RPL22L1: variants seen among roughly 807,000 people sequenced by gnomAD.
RPL22L1 encodes ribosomal protein L22 like 1.
Under a neutral mutation model 17.3 loss-of-function variants are expected in RPL22L1, and 19 were observed. The ratio of observed to expected loss-of-function variants is 1.10; its 90% CI spans 0.77 to 1.61. The LOEUF is 1.61. RPL22L1 is among the 40% of genes most tolerant of loss of function. The probability of loss-of-function intolerance (pLI) is 0.00; values close to 1 mark genes in which losing one functional copy is unlikely to be tolerated. For missense variants in RPL22L1, 139 were observed against 144.4 expected (o/e 0.96, Z 0.19); for synonymous variants, 48 against 48.5 (o/e 0.99, Z 0.05).
At chr3:170,868,171 A>C in intron 2 of RPL22L1, 37 bp from the exon 3 acceptor site, 2 of 1,593,888 alleles carry the variant, frequency 1.3e-6, no homozygotes, top group Non-Finnish European at 1.7e-6. Context: ...ACTAGGGAAG[A>C]GAACCCTAGA....
chr3:170,868,124 A>G lies in RPL22L1; in HGVS notation c.113T>C (p.Leu38Pro), dbSNP rs762492620. Residue 38 changes from leucine to proline, a missense_variant, in exon 3 of 4, where the codon CTA becomes CCA. Physicochemically the swap from Leu to Pro is moderately conservative, Grantham distance 98. Transcript: ENST00000295830. ...IFDSGNFEQF[L>P]REKVKVNGKT... Reference sequence around the variant, plus strand: ...GCCATTGACTTTAACCTTCTCCCGTAGAAATTGCTCCTATTTTAAAACAGA... The same window carrying G: ...GCCATTGACTTTAACCTTCTCCCGTGGAAATTGCTCCTATTTTAAAACAGA... 1 of 1,605,962 alleles carries G rather than the reference A, an allele frequency of 6.2e-7. No homozygotes were observed. The highest frequency in any genetic ancestry group is 8.5e-7 in the Non-Finnish European group (1 of 1,175,350).
intron 3 of RPL22L1, 101 bp downstream of exon 3, chr3:170,867,912 T>C (rs1711830697): frequency 1.0e-6 from 1 of 991,378 alleles, no homozygotes; most frequent in South Asian, 1.8e-5. Flanking sequence ...CTAAAGTTCA[T>C]ATTTATTCTT....
intron 3 of RPL22L1, among the ~76,000 whole-genome samples, chr3:170,867,303 C>G (rs527569283): frequency 1.1e-3 from 162 of 152,296 alleles, no homozygotes; most frequent in Non-Finnish European, 1.8e-3. Context: ...ACACTATACC[C>G]CAGACACACT....
rs570522516 is a variant in RPL22L1, at chr3:170,865,196, A to C, written c.*1184T>G. On this transcript the variant is annotated 3_prime_UTR_variant, in exon 4 of 4. Coordinates refer to ENST00000295830, the MANE Select transcript of RPL22L1 (RefSeq NM_001099645.2). ...CTTAAATTTTTAGGAAAACGAATTAAAACATTGAATTAAACAATAATTTCA... is the reference window on the plus strand; with the variant it reads ...CTTAAATTTTTAGGAAAACGAATTACAACATTGAATTAAACAATAATTTCA... 2 of 152,354 alleles carry C rather than the reference A, an allele frequency of 1.3e-5. No homozygotes were observed. The highest frequency in any genetic ancestry group is 2.4e-5 in the African/African-American group (1 of 41,576). 9.4% of individuals were successfully genotyped at this position (152,354 alleles called of 1,614,324 possible).
In RPL22L1 at chr3:170,866,120, C is replaced by T. The variant is rs999791995; in HGVS notation, c.*260G>A. The T allele has an allele frequency of 4.2e-5, 11 of 261,312 alleles. No individual in the cohort carries two copies. Among genetic ancestry groups the T allele is most frequent in the African/African-American group, 1.6e-4 (7 of 44,854 alleles). 16.2% of individuals were successfully genotyped at this position (261,312 alleles called of 1,614,324 possible). A position where few individuals can be genotyped will look rare whatever the true frequency, so the allele number is the denominator to read the frequency against. On this transcript the variant is annotated 3_prime_UTR_variant, in exon 4 of 4. Transcript: ENST00000295830. ...TCTAAAAAAAAGATTTCCTATATAA[C>T]GCTACTTTTACCTGAGTACATAAAA...
rs1381883110 is a variant in RPL22L1 at position 170,865,499 on chromosome 3, G to C, written c.*881C>G. ...TTCAATAGACAACCAACACGCCGGT[G>C]TTGGGGTAGGGGCTTTTGAGAAAGA... On this transcript the variant is annotated 3_prime_UTR_variant, in exon 4 of 4. Transcript: ENST00000295830. The C allele has an allele frequency of 6.6e-6, 1 of 152,198 alleles. No individual in the cohort carries two copies. The highest frequency in any genetic ancestry group is 2.4e-5 in the African/African-American group (1 of 41,446). 9.4% of individuals were successfully genotyped at this position (152,198 alleles called of 1,614,324 possible). A position where few individuals can be genotyped will look rare whatever the true frequency, so the allele number is the denominator to read the frequency against.
In RPL22L1 at chr3:170,868,291, T is replaced by C; in HGVS notation, c.102+7A>G. The C allele has an allele frequency of 6.4e-7, 1 of 1,574,232 alleles. No individual in the cohort carries two copies. The highest frequency in any genetic ancestry group is 8.7e-7 in the Non-Finnish European group (1 of 1,145,690). ...TACAAAAATAAGCCGAGTAGAATGA[T>C]ACTTACAAAATTTCCAGAATCAAAA... On this transcript the variant is annotated splice_region_variant and intron_variant, in intron 2 of 3. Transcript: ENST00000295830.
intron 1 of RPL22L1, 82 bp from the exon 2 acceptor site, chr3:170,868,472 G>A (rs1711856819): frequency 2.4e-6 from 2 of 838,828 alleles, no homozygotes; most frequent in Non-Finnish European, 3.9e-6. Context: ...TTGTACCAAT[G>A]CAATCTGTAC....
intron 3 of RPL22L1, 141 bp downstream of exon 3, chr3:170,867,872 C>T (rs1187844058): frequency 4.3e-6 from 3 of 704,896 alleles, no homozygotes; most frequent in Admixed American, 3.1e-5. Flanking sequence ...CACTCATTTA[C>T]TGAATTTCCC....
At position 170,866,363 on chromosome 3, in the gene RPL22L1, G is replaced by C. The variant is rs1317780522; in HGVS notation, c.*17C>G. ...TTATTTTATTAATAAGCAAAGCCCTGTAAGGGGAGCCTTTGCCTAGTCCTC... is the reference window on the plus strand; with the variant it reads ...TTATTTTATTAATAAGCAAAGCCCTCTAAGGGGAGCCTTTGCCTAGTCCTC... On this transcript the variant is annotated 3_prime_UTR_variant, in exon 4 of 4. Coordinates refer to ENST00000295830, the MANE Select transcript of RPL22L1 (RefSeq NM_001099645.2). 3.1e-6 allele frequency: 5 copies of C among 1,588,608 alleles called. No individual in the cohort carries two copies. The highest frequency in any genetic ancestry group is 4.3e-6 in the Non-Finnish European group (5 of 1,165,960).
In RPL22L1 at chr3:170,864,910, C is replaced by T. The variant is rs1041614074; in HGVS notation, c.*1470G>A. On this transcript the variant is annotated 3_prime_UTR_variant, in exon 4 of 4. Transcript: ENST00000295830. Reference sequence around the variant, plus strand: ...CAGATGAAATTCCTTTTATTAAGCCCTCCCTTTTGTAGCAGTAAATTTGTT... The same window carrying T: ...CAGATGAAATTCCTTTTATTAAGCCTTCCCTTTTGTAGCAGTAAATTTGTT... 13 of 152,252 alleles carry T rather than the reference C, an allele frequency of 8.5e-5. No homozygotes were observed. The highest frequency in any genetic ancestry group is 3.1e-4 in the African/African-American group (13 of 41,454). 9.4% of individuals were successfully genotyped at this position (152,252 alleles called of 1,614,324 possible).
At chr3:170,866,683 G>C (rs950539049) in intron 3 of RPL22L1, among the ~76,000 whole-genome samples, 159 bp from the exon 4 acceptor site, 2 of 152,098 alleles carry the variant, frequency 1.3e-5, no homozygotes, top group Non-Finnish European at 2.9e-5. Flanking sequence ...GTGTAAGACT[G>C]TTAGGGTAGC....
chr3:170,868,269 A>G, intron 2 of RPL22L1, 29 bp downstream of exon 2: 1 of 1,518,692 alleles, frequency 6.6e-7, no homozygotes, highest in Non-Finnish European at 9.1e-7. Context: ...CTCTGATTAC[A>G]AAAATAAGCC....
At position 170,865,316 on chromosome 3, in the gene RPL22L1, A is replaced by G. The variant is rs543507041; in HGVS notation, c.*1064T>C. 6 of 152,348 alleles carry G rather than the reference A, an allele frequency of 3.9e-5. No homozygotes were observed. The highest frequency in any genetic ancestry group is 1.2e-4 in the African/African-American group (5 of 41,580). 9.4% of individuals were successfully genotyped at this position (152,348 alleles called of 1,614,324 possible). On this transcript the variant is annotated 3_prime_UTR_variant, in exon 4 of 4. Transcript: ENST00000295830. ...TATTAGCATCAAGACTCATCTAAGT[A>G]CCTGAAGTAGTGGCACCACCATCAG...
chr3:170,869,805 C>A (rs68022004), intron 1 of RPL22L1, among the ~76,000 whole-genome samples: 19,459 of 152,126 alleles, frequency 0.13, 1,626 homozygotes, highest in African/African-American at 0.24. Flanking sequence ...TTCCCCTACC[C>A]AGTGCTGAGT....
At chr3:170,868,979 G>A (rs1711883016) in intron 1 of RPL22L1, among the ~76,000 whole-genome samples, 1 of 151,986 alleles carries the variant, frequency 6.6e-6, no homozygotes, top group Non-Finnish European at 1.5e-5. Flanking sequence ...AAATTAGCCA[G>A]GTGTGGTGGT....
rs201190469 is a variant in RPL22L1 at position 170,867,897 on chromosome 3, TTAGTC to T, written c.224+111_224+115del. On this transcript the variant is annotated intron_variant, in intron 3 of 3. Transcript: ENST00000295830. ...CTGAATTTCCCATTTATGTAGGCCT[TTAGTC>T]TAAAGTTCATATTTATTCTTGCATA... is the stretch of plus-strand genomic sequence containing the variant. 2.8e-3 allele frequency: 2,376 copies of T among 853,394 alleles called. 35 individuals are homozygous for T. In the African/African-American group the frequency reaches 0.036, roughly 13 times the overall value. The allele number at this position is 853,394 out of a possible 1,614,324, so 52.9% of individuals were successfully genotyped here.
chr3:170,870,178 G>C lies in RPL22L1; in HGVS notation c.-11C>G. On this transcript the variant is annotated 5_prime_UTR_variant, in exon 1 of 4. Transcript: ENST00000295830. ...ACTCACCGGCGCCATCTTGCGAGTCGGCCGCGAGAGCAGAGAGGAAGCTAC... is the reference window on the plus strand; with the variant it reads ...ACTCACCGGCGCCATCTTGCGAGTCCGCCGCGAGAGCAGAGAGGAAGCTAC... 1.9e-6 allele frequency: 3 copies of C among 1,613,600 alleles called. No homozygotes were observed. Among genetic ancestry groups the C allele is most frequent in the Non-Finnish European group, 2.5e-6 (3 of 1,179,846 alleles).
intron 1 of RPL22L1, among the ~76,000 whole-genome samples, chr3:170,869,706 A>C (rs1711914921): frequency 6.6e-6 from 1 of 151,936 alleles, no homozygotes; most frequent in Non-Finnish European, 1.5e-5. Flanking sequence ...GTTCTCAAAA[A>C]CTTGTGATGT....
Sources: gnomAD v4.1 joint callset for allele counts (sites outside exome capture counted in the v4.1 genomes callset) on GRCh38, gnomAD v4.1.1 for gene constraint, MANE v1.5 for transcripts, NCBI Gene and HGNC (gene_info 2026-07-23, HGNC 2026-07-21) for gene names.